ME1: variants seen among roughly 807,000 people sequenced by gnomAD.
The protein encoded by ME1 is malic enzyme 1.
ME1 carries 74 observed loss-of-function variants against 66.4 expected under a neutral mutation model. The observed-to-expected ratio is 1.11, with a 90% CI of 0.92 to 1.35. ME1 has a LOEUF of 1.35. ME1 is among the 40% of genes most tolerant of loss of function. The pLI is 0.00. For missense variants in ME1, 750 were observed against 694.1 expected (o/e 1.08, Z -0.90); for synonymous variants, 251 against 235.6 (o/e 1.07, Z -0.60).
At chr6:83,362,286 T>C (rs973046341) in intron 3 of ME1, among the ~76,000 whole-genome samples, 4 of 152,142 alleles carry the variant, frequency 2.6e-5, no homozygotes, top group Non-Finnish European at 4.4e-5. Flanking sequence ...ACAAAGAAAT[T>C]TGGGGAAGAG....
In ME1 at chr6:83,315,354, T is replaced by G; in HGVS notation, c.660A>C (p.Glu220Asp). 6.2e-7 allele frequency: 1 copy of G among 1,612,830 alleles called. No individual in the cohort carries two copies. The highest frequency in any genetic ancestry group is 8.5e-7 in the Non-Finnish European group (1 of 1,179,316). The change falls in exon 6 of 14, where the codon GAA (glutamate) becomes GAC (aspartate). Residue 220 changes from glutamate (E) to aspartate (D), a missense_variant. By Grantham distance (45) the Glu-to-Asp change is conservative (BLOSUM62 2). Transcript: ENST00000369705. ...GLRQRRVRGSEYDDFLDEFME... is the reference protein window; with the variant it reads ...GLRQRRVRGSDYDDFLDEFME... ...TGAATTCGTCCAAAAAATCATCATA[T>G]TCAGAACCTCTTACTCTTCTCTGCC...
intron 6 of ME1, among the ~76,000 whole-genome samples, chr6:83,294,932 CTG>C (rs1767570781): frequency 1.3e-5 from 2 of 152,194 alleles, no homozygotes; most frequent in Non-Finnish European, 2.9e-5. Flanking sequence ...AACATAAACA[CTG>C]AGATTGCTCC....
chr6:83,258,370 G>A (rs951604339), intron 6 of ME1, among the ~76,000 whole-genome samples: 9 of 152,078 alleles, frequency 5.9e-5, no homozygotes, highest in East Asian at 1.9e-4. Flanking sequence ...AGAAAGCCAC[G>A]TAAGGGATAA....
At chr6:83,403,773 C>T (rs538946256) in intron 2 of ME1, among the ~76,000 whole-genome samples, 191 of 152,156 alleles carry the variant, frequency 1.3e-3, no homozygotes, top group African/African-American at 4.5e-3. Context: ...GTTCCTATGT[C>T]AGTTTGCTGA....
At chr6:83,228,387 G>A (rs1583328601) in intron 10 of ME1, among the ~76,000 whole-genome samples, 2 of 152,272 alleles carry the variant, frequency 1.3e-5, no homozygotes, top group Admixed American at 1.3e-4. Flanking sequence ...TGCACTACAG[G>A]ATATTTAGTA....
intron 1 of ME1, among the ~76,000 whole-genome samples, chr6:83,417,370 T>TCTG (rs111564368): frequency 1.3e-5 from 2 of 149,768 alleles, no homozygotes; most frequent in African/African-American, 4.9e-5. Flanking sequence ...TTTGTTGTTT[T>TCTG]TTGTTGTTGT....
At position 83,352,069 on chromosome 6, in the gene ME1, T is replaced by C; in HGVS notation, c.433A>G (p.Ile145Val). Residue 145 changes from isoleucine (I) to valine (V), a missense_variant, in exon 4 of 14, where the codon ATC becomes GTC. Transcript: ENST00000369705. ...GGAAAAACATGATAACTTACCTTGA[T>C]GACATCTTCTGGCCATGCATTGAGA... ...SVLNAWPEDV[I>V]KAIVVTDGER... 1 of 1,597,606 alleles carries C rather than the reference T, an allele frequency of 6.3e-7. No individual in the cohort carries two copies. Among genetic ancestry groups the C allele is most frequent in the South Asian group, 1.1e-5 (1 of 88,826 alleles).
chr6:83,395,858 C>T (rs1159134521), intron 3 of ME1, among the ~76,000 whole-genome samples: 1 of 151,814 alleles, frequency 6.6e-6, no homozygotes, highest in African/African-American at 2.4e-5. Context: ...AAAAGGCATC[C>T]ATATTAGAAA....
At chr6:83,339,908 C>T (rs1411861160) in intron 5 of ME1, among the ~76,000 whole-genome samples, 12 of 130,576 alleles carry the variant, frequency 9.2e-5, no homozygotes, top group Admixed American at 6.8e-4. Context: ...CAGCATGGCA[C>T]ATGTATACAT....
At chr6:83,294,875 T>C (rs1022598697) in intron 6 of ME1, among the ~76,000 whole-genome samples, 2 of 151,892 alleles carry the variant, frequency 1.3e-5, no homozygotes, top group Non-Finnish European at 2.9e-5. Flanking sequence ...AAAGGGGAAG[T>C]GAGAGACCCT....
chr6:83,413,826 T>C (rs765115818), intron 1 of ME1, among the ~76,000 whole-genome samples: 30 of 152,250 alleles, frequency 2.0e-4, no homozygotes, highest in Admixed American at 3.9e-4. Flanking sequence ...TTTCTAGAAT[T>C]GGCTGGGCAT....
At chr6:83,428,783 T>C (rs12196292) in intron 1 of ME1, among the ~76,000 whole-genome samples, 3,544 of 152,270 alleles carry the variant, frequency 0.023, 75 homozygotes, top group East Asian at 0.083. Context: ...GTACACTGGA[T>C]TGTGGATCCA....
chr6:83,253,662 T>G lies in ME1; in HGVS notation c.781A>C (p.Asn261His). 1.2e-6 allele frequency: 2 copies of G among 1,611,192 alleles called. No homozygotes were observed. The highest frequency in any genetic ancestry group is 1.7e-6 in the Non-Finnish European group (2 of 1,177,832). ...TCATCATTGAATGTGCAATACTGGT[T>G]TCGATACTTGTTCAGGAGACGAAAT... ...NAFRLLNKYR[N>H]QYCTFNDDIQ... Residue 261 changes from asparagine (N) to histidine (H), a missense_variant, in exon 7 of 14, where the codon AAC becomes CAC. Transcript: ENST00000369705.
At chr6:83,234,360 AC>A (rs1790357619) in intron 9 of ME1, among the ~76,000 whole-genome samples, 1 of 152,044 alleles carries the variant, frequency 6.6e-6, no homozygotes, top group South Asian at 2.1e-4. Context: ...CAACCCAGAC[AC>A]TTATCCTCTG....
intron 6 of ME1, among the ~76,000 whole-genome samples, chr6:83,273,252 C>A (rs1767117895): frequency 6.6e-6 from 1 of 150,956 alleles, no homozygotes. Flanking sequence ...CAAATTGTCC[C>A]TTTTAAGAAG....
At chr6:83,360,386 G>C (rs1010884871) in intron 3 of ME1, among the ~76,000 whole-genome samples, 3 of 152,114 alleles carry the variant, frequency 2.0e-5, no homozygotes, top group Non-Finnish European at 4.4e-5. Context: ...ACATTATTGT[G>C]GTCCTCCAGT....
chr6:83,231,014 T>TG (rs1790298579), intron 9 of ME1, among the ~76,000 whole-genome samples: 1 of 152,162 alleles, frequency 6.6e-6, no homozygotes, highest in Non-Finnish European at 1.5e-5. Flanking sequence ...CCCTACCACA[T>TG]GCGTTTTTAA....
Position 83,407,895 on chromosome 6 carries a change from C to G in ME1, c.85G>C (p.Ala29Pro). 1 of 1,606,504 alleles carries G rather than the reference C, an allele frequency of 6.2e-7. No individual in the cohort carries two copies. The highest frequency in any genetic ancestry group is 1.1e-5 in the South Asian group (1 of 89,376). The change falls in exon 2 of 14, where the codon GCC (alanine) becomes CCC (proline). Residue 29 changes from alanine to proline, a missense_variant. Ala to Pro is a conservative substitution (Grantham distance 27). Coordinates refer to ENST00000369705, the MANE Select transcript of ME1 (RefSeq NM_002395.6). ...TGCTGTCTCTCTTCCAGGGTAAAGG[C>G]CAAGTCCTATAGAGAAAAAACACAC... The part of the protein sequence containing the change: ...TRNPHLNKDL[A>P]FTLEERQQLN...
chr6:83,389,795 T>A (rs1041120685), intron 3 of ME1, among the ~76,000 whole-genome samples: 2 of 151,748 alleles, frequency 1.3e-5, no homozygotes, highest in Admixed American at 6.6e-5. Context: ...AAAAAAAAAT[T>A]GTCTCTAGCT....
Sources: allele counts gnomAD v4.1 joint callset (sites outside exome capture counted in the v4.1 genomes callset), GRCh38; gene constraint gnomAD v4.1.1; transcripts MANE v1.5; gene names NCBI Gene and HGNC (gene_info 2026-07-23, HGNC 2026-07-21).